Variants in SLC35F4 observed in about 807,000 individuals in gnomAD.
SLC35F4 encodes the protein chromosome 14 open reading frame 36.
In SLC35F4, 24 loss-of-function variants were observed where a neutral mutation model predicts 44.2. The observed-to-expected ratio is 0.54, with a 90% CI of 0.39 to 0.76. SLC35F4 has a LOEUF of 0.76. Ranked by LOEUF, SLC35F4 falls within the 30% of genes least tolerant of loss-of-function variation. The pLI, the probability that SLC35F4 is intolerant of heterozygous loss-of-function variation, is 0.00. For synonymous variants in SLC35F4, 238 were observed against 223.6 expected (o/e 1.06, Z -0.57); for missense variants, 562 against 586.1 (o/e 0.96, Z 0.42).
At chr14:57,567,656 C>T (rs1010567315) in intron 6 of SLC35F4, among the ~76,000 whole-genome samples, 4 of 152,154 alleles carry the variant, frequency 2.6e-5, no homozygotes, top group African/African-American at 9.7e-5. Flanking sequence ...GACAAAGCTG[C>T]AACATAAATG....
chr14:57,921,062 T>C (rs1889431517), intron 1 of SLC35F4, among the ~76,000 whole-genome samples: 1 of 152,236 alleles, frequency 6.6e-6, no homozygotes, highest in Non-Finnish European at 1.5e-5. Context: ...CAGAGCAAAC[T>C]TTGTACTCTT....
intron 1 of SLC35F4, among the ~76,000 whole-genome samples, chr14:57,819,103 A>T (rs532390280): frequency 6.6e-6 from 1 of 152,328 alleles, no homozygotes; most frequent in East Asian, 1.9e-4. Flanking sequence ...TTGATTACAC[A>T]TAATATGATT....
At chr14:57,915,242 A>G (rs1008046072) in intron 1 of SLC35F4, among the ~76,000 whole-genome samples, 3 of 152,114 alleles carry the variant, frequency 2.0e-5, no homozygotes, top group Non-Finnish European at 4.4e-5. Flanking sequence ...TCTGCCTTTT[A>G]GAGCTCTAGG....
In SLC35F4 at chr14:57,730,700, T is replaced by C. The variant is rs145873235; in HGVS notation, c.103+135023A>G. On this transcript the variant is annotated intron_variant, in intron 1 of 7. Coordinates refer to ENST00000556826, the MANE Select transcript of SLC35F4 (RefSeq NM_001306087.2). ...GGGCATCCATGAAAAATGGTAGCAA[T>C]ACAGTGTGCATTATTTTATTTCTCC... is the stretch of plus-strand genomic sequence containing the variant. Among the ~76,000 whole-genome samples, 812 of 152,304 alleles carry C rather than the reference T, an allele frequency of 5.3e-3. 1 individual carries two copies. Among genetic ancestry groups the C allele is most frequent in the Middle Eastern group, 0.02 (6 of 294 alleles).
intron 1 of SLC35F4, among the ~76,000 whole-genome samples, chr14:57,931,174 CT>C (rs1889689920): frequency 6.6e-6 from 1 of 152,192 alleles, no homozygotes; most frequent in Admixed American, 6.5e-5. Context: ...GAATTCAGGT[CT>C]CTGTGACTCC....
intron 1 of SLC35F4, among the ~76,000 whole-genome samples, chr14:57,933,005 G>A (rs555522793): frequency 6.6e-6 from 1 of 151,204 alleles, no homozygotes; most frequent in Non-Finnish European, 1.5e-5. Flanking sequence ...AATCAACCTC[G>A]GAAGGTTAAT....
At chr14:57,613,552 C>G (rs1345202726) in intron 1 of SLC35F4, among the ~76,000 whole-genome samples, 1 of 152,216 alleles carries the variant, frequency 6.6e-6, no homozygotes, top group Admixed American at 6.5e-5. Flanking sequence ...ATAGCATTCT[C>G]TAAGAGGTAT....
At chr14:57,880,497 C>G (rs1888511863) in intron 1 of SLC35F4, among the ~76,000 whole-genome samples, 1 of 152,076 alleles carries the variant, frequency 6.6e-6, no homozygotes, top group East Asian at 1.9e-4. Flanking sequence ...TTCTTGATAC[C>G]AGATTGAAGT....
intron 1 of SLC35F4, among the ~76,000 whole-genome samples, chr14:57,919,609 C>A (rs1889398737): frequency 6.6e-6 from 1 of 152,100 alleles, no homozygotes; most frequent in Admixed American, 6.5e-5. Flanking sequence ...GGACCAGTAA[C>A]TAAGACCACC....
chr14:57,922,102 G>T (rs1295556646), intron 1 of SLC35F4, among the ~76,000 whole-genome samples: 1 of 152,166 alleles, frequency 6.6e-6, no homozygotes, highest in African/African-American at 2.4e-5. Flanking sequence ...AATCACACAT[G>T]CCTGGTCAAT....
At chr14:57,830,123 A>T (rs1884204360) in intron 1 of SLC35F4, among the ~76,000 whole-genome samples, 1 of 152,234 alleles carries the variant, frequency 6.6e-6, no homozygotes, top group Admixed American at 6.5e-5. Flanking sequence ...ACAAAAAAAA[A>T]GTAATGGAAG....
chr14:57,811,361 A>G (rs1212422540), intron 1 of SLC35F4, among the ~76,000 whole-genome samples: 3 of 152,196 alleles, frequency 2.0e-5, no homozygotes, highest in African/African-American at 7.2e-5. Flanking sequence ...GAATAAGCCA[A>G]GTAGGTATGG....
intron 1 of SLC35F4, among the ~76,000 whole-genome samples, chr14:57,806,313 T>C (rs1447550916): frequency 6.6e-6 from 1 of 152,180 alleles, no homozygotes; most frequent in African/African-American, 2.4e-5. Flanking sequence ...AATACTATAA[T>C]CTCTACAAAA....
chr14:57,699,396 C>G lies in SLC35F4; in HGVS notation c.104-105272G>C, dbSNP rs143397390. Among the ~76,000 whole-genome samples, 23 of 152,264 alleles carry G rather than the reference C, an allele frequency of 1.5e-4. No homozygotes were observed. In the East Asian group the frequency reaches 4.1e-3, roughly 27 times the overall value. ...TTTCAGATTAGACCCCATTTCCCCA[C>G]GTGAATAGCAAATGTTCAAGAGAAC... On this transcript the variant is annotated intron_variant, in intron 1 of 7. Transcript: ENST00000556826.
intron 1 of SLC35F4, among the ~76,000 whole-genome samples, chr14:57,653,261 G>A (rs2073850365): frequency 6.6e-6 from 1 of 152,140 alleles, no homozygotes; most frequent in South Asian, 2.1e-4. Context: ...TATCCCACAA[G>A]GCCCAATAAA....
In SLC35F4 at chr14:57,909,572, ACAC is replaced by A. The variant is rs1566927217; in HGVS notation, n.282+72338_282+72340del. Among the ~76,000 whole-genome samples, 227 of 150,834 alleles carry A rather than the reference ACAC, an allele frequency of 1.5e-3. 1 individual carries two copies. In the Middle Eastern group the frequency reaches 0.017, roughly 11 times the overall value. The stretch of plus-strand genomic sequence containing the variant: ...CACACACACACACACACACACACAC[ACAC>A]AAACACACAGATCGGTTTCTTTTCA... On this transcript the variant is annotated intron_variant and non_coding_transcript_variant, in intron 1 of 1. Coordinates refer to the SLC35F4 transcript ENST00000556568.
chr14:57,936,779 G>A (rs945884513), intron 1 of SLC35F4, among the ~76,000 whole-genome samples: 17 of 152,184 alleles, frequency 1.1e-4, no homozygotes, highest in Non-Finnish European at 1.9e-4. Flanking sequence ...TTGTAGGAGG[G>A]ATAAGTATTC....
intron 7 of SLC35F4, 92 bp from the exon 8 acceptor site, chr14:57,564,468 C>T (rs767158038): frequency 2.2e-5 from 32 of 1,475,080 alleles, no homozygotes; most frequent in Non-Finnish European, 2.9e-5. Context: ...CTAGAGATTT[C>T]CAAGAGTCTT....
intron 1 of SLC35F4, among the ~76,000 whole-genome samples, chr14:57,963,220 G>C (rs1321266443): frequency 6.6e-6 from 1 of 152,178 alleles, no homozygotes; most frequent in Non-Finnish European, 1.5e-5. Flanking sequence ...CCTTCTATGG[G>C]AATGGTGGCT....
Sources: gnomAD v4.1 joint callset for allele counts (sites outside exome capture counted in the v4.1 genomes callset) on GRCh38, gnomAD v4.1.1 for gene constraint, MANE v1.5 for transcripts, NCBI Gene and HGNC (gene_info 2026-07-23, HGNC 2026-07-21) for gene names.